Variants in ANKFN1 observed in about 807,000 individuals in gnomAD.
ANKFN1 encodes ankyrin repeat and fibronectin type-III domain-containing protein 1.
Under a neutral mutation model 108.7 loss-of-function variants are expected in ANKFN1, and 74 were observed. That is an observed-to-expected ratio of 0.68 (90% CI 0.56 to 0.83). The LOEUF (loss-of-function observed/expected upper bound fraction) is 0.83. Ranked by LOEUF, ANKFN1 falls within the 40% of genes least tolerant of loss-of-function variation. The pLI is 0.00. For synonymous variants in ANKFN1, 547 were observed against 516.2 expected, an observed-to-expected ratio of 1.06 and a Z score of -0.81; for missense variants, 1,505 against 1,382.3, an observed-to-expected ratio of 1.09 and a Z score of -1.41.
At chr17:56,140,739 G>A (rs149140573) in intron 4 of ANKFN1, among the ~76,000 whole-genome samples, 2 of 152,084 alleles carry the variant, frequency 1.3e-5, no homozygotes, top group African/African-American at 4.8e-5. Flanking sequence ...ACTGGTAATG[G>A]CTATATAACA....
intron 4 of ANKFN1, among the ~76,000 whole-genome samples, chr17:56,053,333 C>T (rs912306146): frequency 6.6e-6 from 1 of 152,094 alleles, no homozygotes; most frequent in Non-Finnish European, 1.5e-5. Context: ...ACTATCCTTC[C>T]ACTGTCTATC....
Position 56,480,674 on chromosome 17 carries a change from A to G in ANKFN1, c.1947A>G (p.Glu649=), listed in dbSNP as rs1468193008. The change falls in exon 17 of 21, where the codon GAA becomes GAG. Residue 649 remains glutamate, a synonymous_variant. Transcript: ENST00000682825. ...IRENNNISRE[E]WEWIQKLSGS... ...AACTTGACTCAACATACAGAGAGGA[A>G]TGGGAATGGATCCAAAAGCTTTCTG... is the stretch of plus-strand genomic sequence containing the variant. 1.9e-6 allele frequency: 3 copies of G among 1,613,678 alleles called. No individual in the cohort carries two copies. Among genetic ancestry groups the G allele is most frequent in the Non-Finnish European group, 1.7e-6 (2 of 1,179,824 alleles).
intron 4 of ANKFN1, among the ~76,000 whole-genome samples, chr17:56,054,164 G>A (rs1904825771): frequency 6.6e-6 from 1 of 152,224 alleles, no homozygotes; most frequent in Non-Finnish European, 1.5e-5. Context: ...ACAGTATGGA[G>A]ATTCCTCAAA....
At chr17:56,420,503 T>C (rs2048366478) in intron 8 of ANKFN1, among the ~76,000 whole-genome samples, 1 of 152,200 alleles carries the variant, frequency 6.6e-6, no homozygotes. Flanking sequence ...TGATATACTA[T>C]CTTTAGTATG....
At chr17:56,290,422 C>T (rs1241189816) in intron 3 of ANKFN1, among the ~76,000 whole-genome samples, 8 of 152,102 alleles carry the variant, frequency 5.3e-5, no homozygotes, top group Admixed American at 4.6e-4. Flanking sequence ...GTTCTTAAGC[C>T]AGAAGAGCCC....
chr17:56,141,762 T>C (rs1240418230), intron 4 of ANKFN1, among the ~76,000 whole-genome samples: 1 of 152,060 alleles, frequency 6.6e-6, no homozygotes, highest in Non-Finnish European at 1.5e-5. Flanking sequence ...TGCTGTGACC[T>C]CAGCTGAAGC....
intron 15 of ANKFN1, among the ~76,000 whole-genome samples, chr17:56,475,083 T>C (rs2050453740): frequency 6.6e-6 from 1 of 152,214 alleles, no homozygotes; most frequent in Non-Finnish European, 1.5e-5. Context: ...TTTCCACATG[T>C]TGTGTACCTA....
intron 4 of ANKFN1, among the ~76,000 whole-genome samples, chr17:56,121,222 G>T (rs908495055): frequency 6.6e-6 from 1 of 151,370 alleles, no homozygotes; most frequent in Non-Finnish European, 1.5e-5. Flanking sequence ...TTTTTTCTTG[G>T]TGTCGCCCAG....
chr17:56,179,847 T>TC (rs1306745692), intron 1 of ANKFN1, among the ~76,000 whole-genome samples: 1 of 152,212 alleles, frequency 6.6e-6, no homozygotes, highest in Non-Finnish European at 1.5e-5. Context: ...ATTCCTTCCT[T>TC]CCTTCCCAAA....
chr17:56,383,728 A>C (rs950849533), intron 8 of ANKFN1, among the ~76,000 whole-genome samples: 12 of 152,108 alleles, frequency 7.9e-5, no homozygotes, highest in Admixed American at 3.9e-4. Flanking sequence ...TAGAAAATCC[A>C]GAAGAAATGG....
chr17:56,134,211 G>T (rs1907459951), intron 4 of ANKFN1, among the ~76,000 whole-genome samples: 1 of 152,130 alleles, frequency 6.6e-6, no homozygotes, highest in South Asian at 2.1e-4. Context: ...AAGTTGAGAA[G>T]GGTCCCAAAG....
At chr17:56,210,739 A>G (rs1230887790) in intron 1 of ANKFN1, among the ~76,000 whole-genome samples, 1 of 152,226 alleles carries the variant, frequency 6.6e-6, no homozygotes, top group African/African-American at 2.4e-5. Context: ...GAAATCTACA[A>G]TCATGGCGGA....
At chr17:56,220,931 G>A (rs1200835103) in intron 2 of ANKFN1, among the ~76,000 whole-genome samples, 2 of 151,118 alleles carry the variant, frequency 1.3e-5, no homozygotes, top group Admixed American at 6.6e-5. Flanking sequence ...AGGAACGAAC[G>A]AACGAAAGAA....
chr17:56,480,768 C>T lies in ANKFN1; in HGVS notation c.2041C>T (p.Gln681Ter), dbSNP rs766208842. 1.2e-6 allele frequency: 2 copies of T among 1,614,060 alleles called. No individual in the cohort carries two copies. Among genetic ancestry groups the T allele is most frequent in the Non-Finnish European group, 1.7e-6 (2 of 1,179,966 alleles). The change falls in exon 17 of 21, where the codon CAG (glutamine) becomes TAG (stop). Residue 681 changes from glutamine to a stop codon, truncating the protein, a stop_gained. Transcript: ENST00000682825. LOFTEE classifies it high-confidence loss of function. ...CATGCAATTGTTCTTCTACGAGCTC[C>T]AGATGGCAGTGAAAGCTCTCCTTCA... is the stretch of plus-strand genomic sequence containing the variant. Reference protein sequence around the residue: ...CPMQLFFYELQMAVKALLQQI... With the variant: ...CPMQLFFYEL
At chr17:56,111,572 A>G (rs1390659423) in intron 4 of ANKFN1, among the ~76,000 whole-genome samples, 1 of 152,178 alleles carries the variant, frequency 6.6e-6, no homozygotes, top group African/African-American at 2.4e-5. Context: ...ACTAGGAACA[A>G]ATCCCTTGGT....
At chr17:56,254,357 CTG>C (rs1003534336) in intron 3 of ANKFN1, 60 of 152,300 alleles carry the variant, frequency 3.9e-4, no homozygotes, top group African/African-American at 1.4e-3. Flanking sequence ...AAATGAACCA[CTG>C]TGGTTTTATG....
intron 3 of ANKFN1, among the ~76,000 whole-genome samples, chr17:56,229,606 C>T (rs893457207): frequency 1.4e-5 from 2 of 139,750 alleles, no homozygotes; most frequent in African/African-American, 2.7e-5. Context: ...CACGTGTTAC[C>T]GCAGGATCTC....
intron 8 of ANKFN1, among the ~76,000 whole-genome samples, chr17:56,413,879 T>C (rs1170516850): frequency 6.6e-6 from 1 of 151,886 alleles, no homozygotes; most frequent in Non-Finnish European, 1.5e-5. Context: ...GGTTTCTCCA[T>C]GTTGACCAGT....
At chr17:56,130,709 A>G (rs1907233448) in intron 4 of ANKFN1, among the ~76,000 whole-genome samples, 1 of 152,132 alleles carries the variant, frequency 6.6e-6, no homozygotes, top group Non-Finnish European at 1.5e-5. Flanking sequence ...TGGGGGGAGG[A>G]CAGTTCACTT....
Sources: allele counts gnomAD v4.1 joint callset (sites outside exome capture counted in the v4.1 genomes callset), GRCh38; gene constraint gnomAD v4.1.1; transcripts MANE v1.5; gene names NCBI Gene and HGNC (gene_info 2026-07-23, HGNC 2026-07-21).